Variants in ABHD16B observed in about 807,000 individuals in gnomAD.
ABHD16B encodes the protein abhydrolase domain containing 16B.
A neutral mutation model predicts 10.5 loss-of-function variants in ABHD16B; 14 were observed. The observed-to-expected ratio is 1.33, with a 90% CI of 0.88 to 2.08. The LOEUF is 2.08. Among genes scored for constraint, ABHD16B ranks in the 30% most tolerant of loss-of-function variants. The pLI, the probability that ABHD16B is intolerant of heterozygous loss-of-function variation, is 0.00. For synonymous variants in ABHD16B, 374 were observed against 337.9 expected (o/e 1.11, Z -1.17); for missense variants, 763 against 717.4 (o/e 1.06, Z -0.73).
Position 63,862,334 on chromosome 20 carries a change from C to T in ABHD16B, c.794C>T (p.Ala265Val), listed in dbSNP as rs768423465. 2.5e-6 allele frequency: 4 copies of T among 1,612,312 alleles called. No individual in the cohort carries two copies. The East Asian group carries it at 6.7e-5, about 27-fold the overall frequency. The change falls in exon 1 of 1, where the codon GCA (alanine) becomes GTA (valine). Residue 265 changes from alanine (A) to valine (V), a missense_variant. Coordinates refer to ENST00000369916, the MANE Select transcript of ABHD16B (RefSeq NM_080622.4). This position sits in a 1 kb window ranked among gnomAD's most constrained non-coding sequence, Gnocchi z 7.5. Reference sequence around the variant, plus strand: ...ACCATGACCTACCCGGAGCTGGGTGCACTGGTGCTGGACGCCACCTTCGAC... The same window carrying T: ...ACCATGACCTACCCGGAGCTGGGTGTACTGGTGCTGGACGCCACCTTCGAC... ...WATMTYPELGALVLDATFDDL... is the reference protein window; with the variant it reads ...WATMTYPELGVLVLDATFDDL...
chr20:63,862,162 G>A lies in ABHD16B; in HGVS notation c.622G>A (p.Gly208Ser), dbSNP rs768773948. Residue 208 changes from glycine (G) to serine (S), a missense_variant, in exon 1 of 1, where the codon GGC becomes AGC. Gly to Ser is a moderately conservative substitution (Grantham distance 56). Coordinates refer to ENST00000369916, the MANE Select transcript of ABHD16B (RefSeq NM_080622.4). The surrounding 1 kb of genome is among the most constrained non-coding windows in gnomAD (Gnocchi z 7.5). ...SVLGWNHPGF[G>S]SSTGVPFPQH... Reference sequence around the variant, plus strand: ...GCTGGGCTGGAACCACCCCGGCTTCGGCAGCAGCACTGGCGTGCCCTTCCC... The same window carrying A: ...GCTGGGCTGGAACCACCCCGGCTTCAGCAGCAGCACTGGCGTGCCCTTCCC... 3.1e-6 allele frequency: 5 copies of A among 1,611,232 alleles called. No homozygotes were observed. The highest frequency in any genetic ancestry group is 1.1e-5 in the South Asian group (1 of 90,982).
rs1349032808 is a variant in ABHD16B, at chr20:63,862,637, C to CCGT, written c.1102_1104dup (p.Val368dup). On this transcript the variant is annotated inframe_insertion, in exon 1 of 1. Transcript: ENST00000369916. This position sits in a 1 kb window ranked among gnomAD's most constrained non-coding sequence, Gnocchi z 7.5. ...GTCGTGATGGCGCGAGAGGGCCGCG[C>CCGT]CGTCGTCACCCGCTGGCTGCGCGCT... is the stretch of plus-strand genomic sequence containing the variant. 1 of 1,539,260 alleles carries CCGT rather than the reference C, an allele frequency of 6.5e-7. No individual in the cohort carries two copies. Among genetic ancestry groups the CCGT allele is most frequent in the South Asian group, 1.2e-5 (1 of 84,272 alleles).
Position 63,862,860 on chromosome 20 carries a change from G to A in ABHD16B, c.1320G>A (p.Leu440=), listed in dbSNP as rs771229783. The A allele has an allele frequency of 7.1e-6, 11 of 1,539,652 alleles. No individual in the cohort carries two copies. Among genetic ancestry groups the A allele is most frequent in the Non-Finnish European group, 7.8e-6 (9 of 1,147,186 alleles). ...CGCGGCGGCGCCGGCGCCTCGCACT[G>A]TTCCTGGCTCGGAAGCACCTCAAGA... ...LSSRRRRRLA[L]FLARKHLKNV... The change falls in exon 1 of 1, where the codon CTG becomes CTA. Residue 440 remains leucine (L), a synonymous_variant. Transcript: ENST00000369916. This position sits in a 1 kb window ranked among gnomAD's most constrained non-coding sequence, Gnocchi z 7.5.
rs748685944 is a variant in ABHD16B, at chr20:63,861,707, CGGCGGGCGT to C, written c.169_177del (p.Ala57_Val59del). The C allele has an allele frequency of 5.5e-5, 80 of 1,463,982 alleles. 4 individuals are homozygous for C. In the South Asian group the frequency reaches 1.0e-3, roughly 19 times the overall value. The allele number at this position is 1,463,982 out of a possible 1,614,324, so 90.7% of individuals were successfully genotyped here. On this transcript the variant is annotated inframe_deletion, in exon 1 of 1. Coordinates refer to ENST00000369916, the MANE Select transcript of ABHD16B (RefSeq NM_080622.4). The surrounding 1 kb of genome is among the most constrained non-coding windows in gnomAD (Gnocchi z 5.4). ...CGGGCGCTGACCTGCGCGGCAGCCG[CGGCGGGCGT>C]GTGGTTGCTGCGGGACGAGACGCTG...
At position 63,861,595 on chromosome 20, in the gene ABHD16B, A is replaced by G; in HGVS notation, c.55A>G (p.Thr19Ala). 1 of 1,559,874 alleles carries G rather than the reference A, an allele frequency of 6.4e-7. No homozygotes were observed. The highest frequency in any genetic ancestry group is 1.9e-5 in the Admixed American group (1 of 53,282). ...GGTGCGCGTGTTCAAGATCTACCTG[A>G]CCGCCAGCTACACCTACCCATTCCG... ...ALVRVFKIYL[T>A]ASYTYPFRGW... The change falls in exon 1 of 1, where the codon ACC becomes GCC. Residue 19 changes from threonine to alanine, a missense_variant. By Grantham distance (58) the Thr-to-Ala change is moderately conservative (BLOSUM62 0). Coordinates refer to ENST00000369916, the MANE Select transcript of ABHD16B (RefSeq NM_080622.4). This position sits in a 1 kb window ranked among gnomAD's most constrained non-coding sequence, Gnocchi z 5.4.
chr20:63,862,972 T>C lies in ABHD16B; in HGVS notation c.*22T>C. ...GTAACCTATATGCCCCAGTGGGGGATCACGCACTTGAACTCCTGGCCTTCT... is the reference window on the plus strand; with the variant it reads ...GTAACCTATATGCCCCAGTGGGGGACCACGCACTTGAACTCCTGGCCTTCT... On this transcript the variant is annotated 3_prime_UTR_variant, in exon 1 of 1. Transcript: ENST00000369916. This position sits in a 1 kb window ranked among gnomAD's most constrained non-coding sequence, Gnocchi z 7.5. 1 of 1,227,624 alleles carries C rather than the reference T, an allele frequency of 8.1e-7. No individual in the cohort carries two copies. 76.0% of individuals were successfully genotyped at this position (1,227,624 alleles called of 1,614,324 possible).
chr20:63,861,882 C>A lies in ABHD16B; in HGVS notation c.342C>A (p.Gly114=). 1 of 1,567,082 alleles carries A rather than the reference C, an allele frequency of 6.4e-7. No homozygotes were observed. Among genetic ancestry groups the A allele is most frequent in the African/African-American group, 1.3e-5 (1 of 74,186 alleles). The change falls in exon 1 of 1, where the codon GGC becomes GGA. Residue 114 remains glycine (G), a synonymous_variant. Coordinates refer to ENST00000369916, the MANE Select transcript of ABHD16B (RefSeq NM_080622.4). This position sits in a 1 kb window ranked among gnomAD's most constrained non-coding sequence, Gnocchi z 5.4. Reference sequence around the variant, plus strand: ...TGGGCCGCTGGCTCGTGTACCCCGGCTCCGTGTCCCTGATGACGCGCGCGC... The same window carrying A: ...TGGGCCGCTGGCTCGTGTACCCCGGATCCGTGTCCCTGATGACGCGCGCGC... The part of the protein sequence containing the change: ...HSLGRWLVYP[G]SVSLMTRALL...
Position 63,861,822 on chromosome 20 carries a change from C to A in ABHD16B, c.282C>A (p.Pro94=). 6.6e-7 allele frequency: 1 copy of A among 1,508,846 alleles called. No homozygotes were observed. Among genetic ancestry groups the A allele is most frequent in the East Asian group, 2.5e-5 (1 of 39,956 alleles). The allele number at this position is 1,508,846 out of a possible 1,614,324, so 93.5% of individuals were successfully genotyped here. ...QCLLQQLREL[P]GQLASYALAH... The stretch of plus-strand genomic sequence containing the variant: ...TCTTGCAGCAGCTCCGCGAGCTGCC[C>A]GGCCAGCTCGCTAGCTACGCGCTGG... The change falls in exon 1 of 1, where the codon CCC becomes CCA. Residue 94 remains proline (P), a synonymous_variant. Transcript: ENST00000369916. This position sits in a 1 kb window ranked among gnomAD's most constrained non-coding sequence, Gnocchi z 5.4.
In ABHD16B at chr20:63,861,622, G is replaced by A. The variant is rs1445655421; in HGVS notation, c.82G>A (p.Gly28Ser). 7.1e-6 allele frequency: 11 copies of A among 1,551,532 alleles called. No individual in the cohort carries two copies. The highest frequency in any genetic ancestry group is 1.9e-5 in the Admixed American group (1 of 52,064). Residue 28 changes from glycine (G) to serine (S), a missense_variant, in exon 1 of 1, where the codon GGC becomes AGC. Coordinates refer to ENST00000369916, the MANE Select transcript of ABHD16B (RefSeq NM_080622.4). This position sits in a 1 kb window ranked among gnomAD's most constrained non-coding sequence, Gnocchi z 5.4. Reference sequence around the variant, plus strand: ...CGCCAGCTACACCTACCCATTCCGCGGCTGGCCCGTGGCCTTCCGCTGGGA... The same window carrying A: ...CGCCAGCTACACCTACCCATTCCGCAGCTGGCCCGTGGCCTTCCGCTGGGA... The part of the protein sequence containing the change: ...LTASYTYPFR[G>S]WPVAFRWDDV...
chr20:63,862,773 C>T lies in ABHD16B; in HGVS notation c.1233C>T (p.Gly411=), dbSNP rs759684040. The T allele has an allele frequency of 1.4e-5, 22 of 1,530,136 alleles. No individual in the cohort carries two copies. The African/African-American group carries it at 2.7e-4, about 19-fold the overall frequency. The allele number at this position is 1,530,136 out of a possible 1,614,324, so 94.8% of individuals were successfully genotyped here. A position where few individuals can be genotyped will look rare whatever the true frequency, so the allele number is the denominator to read the frequency against. Residue 411 remains glycine, a synonymous_variant, in exon 1 of 1, where the codon GGC becomes GGT. Transcript: ENST00000369916. The surrounding 1 kb of genome is among the most constrained non-coding windows in gnomAD (Gnocchi z 7.5). ...CACGCTGCGAAGAGGAGCTGGAGGGCGAGGAGGCCCTGGGGCCACACGGAC... is the reference window on the plus strand; with the variant it reads ...CACGCTGCGAAGAGGAGCTGGAGGGTGAGGAGGCCCTGGGGCCACACGGAC... ...YRARCEEELE[G]EEALGPHGPA... is the part of the protein sequence containing the mutation.
Position 63,862,478 on chromosome 20 carries a change from C to T in ABHD16B, c.938C>T (p.Pro313Leu), listed in dbSNP as rs895478446. ...GAGCAGCTGTGCTGCTACCCGGGGC[C>T]GGTGCTGCTGCTCCGACGCACGCAG... ...VAEQLCCYPGPVLLLRRTQDD... is the reference protein window; with the variant it reads ...VAEQLCCYPGLVLLLRRTQDD... The change falls in exon 1 of 1, where the codon CCG becomes CTG. Residue 313 changes from proline to leucine, a missense_variant. Transcript: ENST00000369916. This position sits in a 1 kb window ranked among gnomAD's most constrained non-coding sequence, Gnocchi z 7.5. 7.7e-6 allele frequency: 12 copies of T among 1,564,232 alleles called. No individual in the cohort carries two copies. The highest frequency in any genetic ancestry group is 6.9e-5 in the South Asian group (6 of 86,800).
In ABHD16B at chr20:63,862,745, G is replaced by A. The variant is rs374526167; in HGVS notation, c.1205G>A (p.Arg402His). 2 of 1,529,734 alleles carry A rather than the reference G, an allele frequency of 1.3e-6. No homozygotes were observed. Among genetic ancestry groups the A allele is most frequent in the African/African-American group, 1.4e-5 (1 of 72,860 alleles). 94.8% of individuals were successfully genotyped at this position (1,529,734 alleles called of 1,614,324 possible). The part of the protein sequence containing the change: ...DWCLALLRSY[R>H]ARCEEELEGE... ...TGCCTGGCGCTGCTGCGCTCCTACC[G>A]TGCACGCTGCGAAGAGGAGCTGGAG... The change falls in exon 1 of 1, where the codon CGT becomes CAT. Residue 402 changes from arginine to histidine, a missense_variant. Physicochemically the swap from Arg to His is conservative, Grantham distance 29. Transcript: ENST00000369916. The surrounding 1 kb of genome is among the most constrained non-coding windows in gnomAD (Gnocchi z 7.5).
chr20:63,862,498 A>T lies in ABHD16B; in HGVS notation c.958A>T (p.Thr320Ser), dbSNP rs2052099077. 22 of 1,565,454 alleles carry T rather than the reference A, an allele frequency of 1.4e-5. No homozygotes were observed. The highest frequency in any genetic ancestry group is 1.9e-5 in the Non-Finnish European group (22 of 1,161,218). ...YPGPVLLLRR[T>S]QDDVVSTSGR... The stretch of plus-strand genomic sequence containing the variant: ...GGGGCCGGTGCTGCTGCTCCGACGC[A>T]CGCAGGATGACGTGGTCAGCACTTC... The change falls in exon 1 of 1, where the codon ACG (threonine) becomes TCG (serine). Residue 320 changes from threonine (T) to serine (S), a missense_variant. By Grantham distance (58) the Thr-to-Ser change is moderately conservative. Coordinates refer to ENST00000369916, the MANE Select transcript of ABHD16B (RefSeq NM_080622.4). The surrounding 1 kb of genome is among the most constrained non-coding windows in gnomAD (Gnocchi z 7.5).
rs1424195055 is a variant in ABHD16B, at chr20:63,862,685, C to T, written c.1145C>T (p.Ala382Val). ...GCTGGCAGCTTGGCGCAGGAGGCCG[C>T]CTTCTATGCACGCTACCGCGTGGAC... is the stretch of plus-strand genomic sequence containing the variant. Reference protein sequence around the residue: ...LRAGSLAQEAAFYARYRVDED... With the variant: ...LRAGSLAQEAVFYARYRVDED... The change falls in exon 1 of 1, where the codon GCC becomes GTC. Residue 382 changes from alanine (A) to valine (V), a missense_variant. Ala to Val is a moderately conservative substitution (Grantham distance 64). Transcript: ENST00000369916. This position sits in a 1 kb window ranked among gnomAD's most constrained non-coding sequence, Gnocchi z 7.5. The T allele has an allele frequency of 2.6e-6, 4 of 1,535,270 alleles. No individual in the cohort carries two copies. Among genetic ancestry groups the T allele is most frequent in the African/African-American group, 1.4e-5 (1 of 72,970 alleles).
Position 63,861,696 on chromosome 20 carries a change from C to T in ABHD16B, c.156C>T (p.Cys52=). 3 of 1,478,494 alleles carry T rather than the reference C, an allele frequency of 2.0e-6. No individual in the cohort carries two copies. The highest frequency in any genetic ancestry group is 2.6e-5 in the South Asian group (2 of 77,110). The allele number at this position is 1,478,494 out of a possible 1,614,324, so 91.6% of individuals were successfully genotyped here. A position where few individuals can be genotyped will look rare whatever the true frequency, so the allele number is the denominator to read the frequency against. ...GRSSSHRALT[C]AAAAAGVWLL... ...GCAGCAGCCACCGGGCGCTGACCTG[C>T]GCGGCAGCCGCGGCGGGCGTGTGGT... Residue 52 remains cysteine, a synonymous_variant, in exon 1 of 1, where the codon TGC becomes TGT. Transcript: ENST00000369916. The surrounding 1 kb of genome is among the most constrained non-coding windows in gnomAD (Gnocchi z 5.4).
chr20:63,862,171 A>C lies in ABHD16B; in HGVS notation c.631A>C (p.Thr211Pro), dbSNP rs1335817072. The C allele has an allele frequency of 1.2e-6, 2 of 1,611,202 alleles. No individual in the cohort carries two copies. Among genetic ancestry groups the C allele is most frequent in the African/African-American group, 2.7e-5 (2 of 74,830 alleles). Residue 211 changes from threonine (T) to proline (P), a missense_variant, in exon 1 of 1, where the codon ACT becomes CCT. By Grantham distance (38) the Thr-to-Pro change is conservative (BLOSUM62 -1). Coordinates refer to ENST00000369916, the MANE Select transcript of ABHD16B (RefSeq NM_080622.4). This position sits in a 1 kb window ranked among gnomAD's most constrained non-coding sequence, Gnocchi z 7.5. ...GWNHPGFGSSTGVPFPQHDAN... is the reference protein window; with the variant it reads ...GWNHPGFGSSPGVPFPQHDAN... ...GAACCACCCCGGCTTCGGCAGCAGCACTGGCGTGCCCTTCCCTCAGCACGA... is the reference window on the plus strand; with the variant it reads ...GAACCACCCCGGCTTCGGCAGCAGCCCTGGCGTGCCCTTCCCTCAGCACGA...
At position 63,862,661 on chromosome 20, in the gene ABHD16B, C is replaced by T. The variant is rs964318813; in HGVS notation, c.1121C>T (p.Ala374Val). 2.0e-6 allele frequency: 3 copies of T among 1,536,814 alleles called. No homozygotes were observed. In the African/African-American group the frequency reaches 4.1e-5, roughly 21 times the overall value. The part of the protein sequence containing the change: ...GRAVVTRWLR[A>V]GSLAQEAAFY... ...GCCGTCGTCACCCGCTGGCTGCGCG[C>T]TGGCAGCTTGGCGCAGGAGGCCGCC... Residue 374 changes from alanine to valine, a missense_variant, in exon 1 of 1, where the codon GCT becomes GTT. Coordinates refer to ENST00000369916, the MANE Select transcript of ABHD16B (RefSeq NM_080622.4). This position sits in a 1 kb window ranked among gnomAD's most constrained non-coding sequence, Gnocchi z 7.5.
In ABHD16B at chr20:63,861,660, C is replaced by T; in HGVS notation, c.120C>T (p.Ala40=). 1 of 1,539,210 alleles carries T rather than the reference C, an allele frequency of 6.5e-7. No individual in the cohort carries two copies. The highest frequency in any genetic ancestry group is 8.7e-7 in the Non-Finnish European group (1 of 1,145,330). ...CCTTCCGCTGGGATGACGTGCGCGCCGTGGGCCGGAGCAGCAGCCACCGGG... is the reference window on the plus strand; with the variant it reads ...CCTTCCGCTGGGATGACGTGCGCGCTGTGGGCCGGAGCAGCAGCCACCGGG... The part of the protein sequence containing the change: ...PVAFRWDDVR[A]VGRSSSHRAL... The change falls in exon 1 of 1, where the codon GCC becomes GCT. Residue 40 remains alanine (A), a synonymous_variant. Transcript: ENST00000369916. This position sits in a 1 kb window ranked among gnomAD's most constrained non-coding sequence, Gnocchi z 5.4.
chr20:63,862,710 C>T lies in ABHD16B; in HGVS notation c.1170C>T (p.Asp390=), dbSNP rs1251529562. The T allele has an allele frequency of 1.3e-6, 2 of 1,531,940 alleles. No homozygotes were observed. Among genetic ancestry groups the T allele is most frequent in the Non-Finnish European group, 1.7e-6 (2 of 1,143,234 alleles). The allele number at this position is 1,531,940 out of a possible 1,614,324, so 94.9% of individuals were successfully genotyped here. The change falls in exon 1 of 1, where the codon GAC becomes GAT. Residue 390 remains aspartate (D), a synonymous_variant. Transcript: ENST00000369916. This position sits in a 1 kb window ranked among gnomAD's most constrained non-coding sequence, Gnocchi z 7.5. The part of the protein sequence containing the change: ...EAAFYARYRV[D]EDWCLALLRS... The stretch of plus-strand genomic sequence containing the variant: ...CCTTCTATGCACGCTACCGCGTGGA[C>T]GAGGACTGGTGCCTGGCGCTGCTGC...
Sources: allele counts gnomAD v4.1 joint callset, GRCh38; gene constraint gnomAD v4.1.1; non-coding constraint Gnocchi (gnomAD v3.1); transcripts MANE v1.5; gene names NCBI Gene and HGNC (gene_info 2026-07-23, HGNC 2026-07-21).